LMTK3: variants seen among roughly 807,000 people sequenced by gnomAD.
LMTK3 encodes the protein lemur tail kinase 3.
Under a neutral mutation model 116.7 loss-of-function variants are expected in LMTK3, and 27 were observed. That is an observed-to-expected ratio of 0.23 (90% CI 0.17 to 0.32). The LOEUF (loss-of-function observed/expected upper bound fraction) is 0.32. Among genes scored for constraint, LMTK3 ranks in the 10% least tolerant of loss-of-function variants. The pLI is 1.00. For synonymous variants in LMTK3, 965 were observed against 971.0 expected, an observed-to-expected ratio of 0.99 and a Z score of 0.11; for missense variants, 1,764 against 2,068.5, an observed-to-expected ratio of 0.85 and a Z score of 2.86.
At chr19:48,489,866 C>G (rs996747601) in intron 14 of LMTK3, among the ~76,000 whole-genome samples, 1 of 152,160 alleles carries the variant, frequency 6.6e-6, no homozygotes, top group African/African-American at 2.4e-5. Flanking sequence ...AGCTCTGATA[C>G]CGGGGAGCAC....
chr19:48,498,798 C>T lies in LMTK3; in HGVS notation c.2271G>A (p.Pro757=), dbSNP rs1245923260. The T allele has an allele frequency of 2.5e-4, 24 of 95,000 alleles. No individual in the cohort carries two copies. Among genetic ancestry groups the T allele is most frequent in the Non-Finnish European group, 4.0e-4 (23 of 57,366 alleles). 5.9% of individuals were successfully genotyped at this position (95,000 alleles called of 1,614,324 possible). A position where few individuals can be genotyped will look rare whatever the true frequency, so the allele number is the denominator to read the frequency against. ...RGPPPAPPPP[P]PPPRAPADPA... is the part of the protein sequence containing the mutation. ...GGTCCGCGGGGGCCCGAGGAGGTGG[C>T]GGCGGGGGGGGGGGAGCGGGAGGTG... is the stretch of plus-strand genomic sequence containing the variant. Residue 757 remains proline, a synonymous_variant, in exon 11 of 15, where the codon CCG becomes CCA. Transcript: ENST00000600059.
At chr19:48,488,058 G>C (rs997832372) in intron 14 of LMTK3, among the ~76,000 whole-genome samples, 1 of 152,132 alleles carries the variant, frequency 6.6e-6, no homozygotes, top group Admixed American at 6.5e-5. Flanking sequence ...TCAACTGAGC[G>C]AAAGGATTTG....
chr19:48,497,460 C>T lies in LMTK3; in HGVS notation c.3609G>A (p.Lys1203=), dbSNP rs1217260104. Reference sequence around the variant, plus strand: ...AGAATAGTCGTGGCATCTCGGGGCCCTTCCTCTCGGGCTTGGGGGGGTCCC... The same window carrying T: ...AGAATAGTCGTGGCATCTCGGGGCCTTTCCTCTCGGGCTTGGGGGGGTCCC... ...GDGDPPKPER[K]GPEMPRLFLD... The change falls in exon 11 of 15, where the codon AAG becomes AAA. Residue 1203 remains lysine (K), a synonymous_variant. Coordinates refer to ENST00000600059, the MANE Select transcript of LMTK3 (RefSeq NM_001388485.1). The surrounding 1 kb of genome is among the most constrained non-coding windows in gnomAD (Gnocchi z 5.7). 6.5e-7 allele frequency: 1 copy of T among 1,529,306 alleles called. No individual in the cohort carries two copies. The highest frequency in any genetic ancestry group is 8.8e-7 in the Non-Finnish European group (1 of 1,141,732). The allele number at this position is 1,529,306 out of a possible 1,614,324, so 94.7% of individuals were successfully genotyped here. A position where few individuals can be genotyped will look rare whatever the true frequency, so the allele number is the denominator to read the frequency against.
Position 48,493,802 on chromosome 19 carries a change from C to A in LMTK3, c.3984G>T (p.Gly1328=), listed in dbSNP as rs1336550538. 30 of 1,513,380 alleles carry A rather than the reference C, an allele frequency of 2.0e-5. 1 individual carries two copies. In the Middle Eastern group the frequency reaches 1.2e-3, roughly 61 times the overall value. 93.7% of individuals were successfully genotyped at this position (1,513,380 alleles called of 1,614,324 possible). A position where few individuals can be genotyped will look rare whatever the true frequency, so the allele number is the denominator to read the frequency against. ...ADADAARPLR[G]LLKSPRGADE... is the part of the protein sequence containing the mutation. Reference sequence around the variant, plus strand: ...CGGCCCCGCGCGGAGACTTGAGCAGCCCCCGCAGCGGGCGGGCCGCGTCCG... The same window carrying A: ...CGGCCCCGCGCGGAGACTTGAGCAGACCCCGCAGCGGGCGGGCCGCGTCCG... The change falls in exon 12 of 15, where the codon GGG becomes GGT. Residue 1328 remains glycine (G), a synonymous_variant. Transcript: ENST00000600059.
intron 3 of LMTK3, 64 bp from the exon 4 acceptor site, chr19:48,509,577 C>T: frequency 7.3e-7 from 1 of 1,373,744 alleles, no homozygotes; most frequent in Non-Finnish European, 9.9e-7. Flanking sequence ...ACCAACACAC[C>T]CCAGGTCAGT....
chr19:48,498,784 G>A lies in LMTK3; in HGVS notation c.2285C>T (p.Ala762Val). Reference sequence around the variant, plus strand: ...GGGGGACGCGGCCGGGTCCGCGGGGGCCCGAGGAGGTGGCGGCGGGGGGGG... The same window carrying A: ...GGGGGACGCGGCCGGGTCCGCGGGGACCCGAGGAGGTGGCGGCGGGGGGGG... ...APPPPPPPPR[A>V]PADPAASPDP... Residue 762 changes from alanine (A) to valine (V), a missense_variant, in exon 11 of 15, where the codon GCC (alanine) becomes GTC (valine). Transcript: ENST00000600059. 2 of 897,080 alleles carry A rather than the reference G, an allele frequency of 2.2e-6. No homozygotes were observed. The highest frequency in any genetic ancestry group is 2.2e-5 in the South Asian group (1 of 45,108). 55.6% of individuals were successfully genotyped at this position (897,080 alleles called of 1,614,324 possible). A position where few individuals can be genotyped will look rare whatever the true frequency, so the allele number is the denominator to read the frequency against.
At position 48,499,288 on chromosome 19, in the gene LMTK3, G is replaced by C; in HGVS notation, c.1781C>G (p.Pro594Arg). 3 of 1,414,530 alleles carry C rather than the reference G, an allele frequency of 2.1e-6. No homozygotes were observed. Among genetic ancestry groups the C allele is most frequent in the Non-Finnish European group, 2.8e-6 (3 of 1,083,948 alleles). The allele number at this position is 1,414,530 out of a possible 1,614,324, so 87.6% of individuals were successfully genotyped here. A position where few individuals can be genotyped will look rare whatever the true frequency, so the allele number is the denominator to read the frequency against. Residue 594 changes from proline (P) to arginine (R), a missense_variant, in exon 11 of 15, where the codon CCC becomes CGC. Coordinates refer to ENST00000600059, the MANE Select transcript of LMTK3 (RefSeq NM_001388485.1). The stretch of plus-strand genomic sequence containing the variant: ...TGACGCTGAGGACTGGGCTGGGAAG[G>C]GCCGGGGCGCAGGGAAGAGGGGGGA... ...WASPLFPAPR[P>R]FPAQSSASGS...
rs1292305138 is a variant in LMTK3 at position 48,499,168 on chromosome 19, G to A, written c.1901C>T (p.Thr634Ile). 1 of 1,502,664 alleles carries A rather than the reference G, an allele frequency of 6.7e-7. No homozygotes were observed. Among genetic ancestry groups the A allele is most frequent in the Non-Finnish European group, 8.9e-7 (1 of 1,124,774 alleles). 93.1% of individuals were successfully genotyped at this position (1,502,664 alleles called of 1,614,324 possible). ...DPAEVLGERG[T>I]APWVEEEEEE... Reference sequence around the variant, plus strand: ...CTCTTCTTCTTCCACCCACGGGGCGGTCCCCCGCTCCCCCAAGACCTCGGC... The same window carrying A: ...CTCTTCTTCTTCCACCCACGGGGCGATCCCCCGCTCCCCCAAGACCTCGGC... Residue 634 changes from threonine (T) to isoleucine (I), a missense_variant, in exon 11 of 15, where the codon ACC (threonine) becomes ATC (isoleucine). Transcript: ENST00000600059.
chr19:48,512,737 CACAG>C (rs1186363706), upstream of LMTK3, among the ~76,000 whole-genome samples: 1 of 151,808 alleles, frequency 6.6e-6, no homozygotes, highest in Non-Finnish European at 1.5e-5. Flanking sequence ...CATGGATACA[CACAG>C]ACACACTACA....
rs569330437 is a variant in LMTK3 at position 48,511,410 on chromosome 19, G to A, written c.76+91C>T. The A allele has an allele frequency of 5.5e-5, 28 of 507,880 alleles. 1 individual carries two copies. Among genetic ancestry groups the A allele is most frequent in the African/African-American group, 4.9e-4 (25 of 50,506 alleles). 31.5% of individuals were successfully genotyped at this position (507,880 alleles called of 1,614,324 possible). A position where few individuals can be genotyped will look rare whatever the true frequency, so the allele number is the denominator to read the frequency against. On this transcript the variant is annotated intron_variant, in intron 1 of 14. Coordinates refer to ENST00000600059, the MANE Select transcript of LMTK3 (RefSeq NM_001388485.1). ...GCGGGAAGACGCGCACCAGGTGACG[G>A]GGCAGGACCCGCAGACAGACCCCTG...
At chr19:48,509,653 T>C (rs2147561273) in intron 3 of LMTK3, 140 bp from the exon 4 acceptor site, 1 of 748,940 alleles carries the variant, frequency 1.3e-6, no homozygotes, top group Middle Eastern at 2.4e-4. Flanking sequence ...CATGTCAGAA[T>C]CTCAGCTTCC....
chr19:48,499,211 T>A lies in LMTK3; in HGVS notation c.1858A>T (p.Thr620Ser). 7.1e-7 allele frequency: 1 copy of A among 1,401,970 alleles called. No homozygotes were observed. 86.8% of individuals were successfully genotyped at this position (1,401,970 alleles called of 1,614,324 possible). The change falls in exon 11 of 15, where the codon ACC (threonine) becomes TCC (serine). Residue 620 changes from threonine (T) to serine (S), a missense_variant. This residue lies in a region of LMTK3 where 1,028 missense variants were observed against 1,050.6 expected (regional missense o/e 0.98). Transcript: ENST00000600059. ...ACCTCGGCAGGGTCTCCCGCCAGGGTCTCCCCGGCGCCCCGGCCCTCGGGG... is the reference window on the plus strand; with the variant it reads ...ACCTCGGCAGGGTCTCCCGCCAGGGACTCCCCGGCGCCCCGGCCCTCGGGG... ...WDPEGRGAGE[T>S]LAGDPAEVLG... is the part of the protein sequence containing the mutation.
intron 12 of LMTK3, among the ~76,000 whole-genome samples, chr19:48,492,920 G>A (rs1193092357): frequency 7.3e-6 from 1 of 137,174 alleles, no homozygotes; most frequent in Non-Finnish European, 1.6e-5. Flanking sequence ...CATACTCCTG[G>A]CCCTGCCCCA....
intron 14 of LMTK3, among the ~76,000 whole-genome samples, chr19:48,486,049 T>C (rs1972117229): frequency 6.4e-5 from 1 of 15,742 alleles, no homozygotes; most frequent in Non-Finnish European, 1.4e-4. Context: ...CATTCTTCCT[T>C]TTTTTTTTTT....
At chr19:48,495,299 C>T (rs908271551) in intron 11 of LMTK3, among the ~76,000 whole-genome samples, 1 of 152,104 alleles carries the variant, frequency 6.6e-6, no homozygotes. Flanking sequence ...TGTGAGCCAC[C>T]GCACCCAGCC....
chr19:48,510,124 G>C lies in LMTK3; in HGVS notation c.260C>G (p.Pro87Arg). ...GEDCSGEYTPPAEETSSSQSL... is the reference protein window; with the variant it reads ...GEDCSGEYTPRAEETSSSQSL... ...CTGTGAGGAGGAGGTCTCCTCCGCA[G>C]GGGGAGTGTACTCCCCGGAGCAGTC... Residue 87 changes from proline (P) to arginine (R), a missense_variant, in exon 3 of 15, where the codon CCT (proline) becomes CGT (arginine). Transcript: ENST00000600059. 6.2e-7 allele frequency: 1 copy of C among 1,613,762 alleles called. No individual in the cohort carries two copies. The highest frequency in any genetic ancestry group is 8.5e-7 in the Non-Finnish European group (1 of 1,179,718).
intron 14 of LMTK3, 150 bp from the exon 15 acceptor site, chr19:48,485,939 T>TC: frequency 2.8e-6 from 2 of 724,902 alleles, no homozygotes; most frequent in Middle Eastern, 2.6e-4. Context: ...ACCCCTCTTC[T>TC]CCCCTCTGCT....
Position 48,499,825 on chromosome 19 carries a change from C to A in LMTK3, c.1244G>T (p.Arg415Leu). ...TGGCGGCGGTGGGGGCCGGGGAGGC[C>A]GCTCGGAGAGCAAGTAGGTGAGCTG... The part of the protein sequence containing the change: ...QLQLTYLLSE[R>L]PPRPPPPPPP... The change falls in exon 11 of 15, where the codon CGG becomes CTG. Residue 415 changes from arginine to leucine, a missense_variant. Physicochemically the swap from Arg to Leu is moderately radical, Grantham distance 102. Coordinates refer to ENST00000600059, the MANE Select transcript of LMTK3 (RefSeq NM_001388485.1). The A allele has an allele frequency of 6.4e-7, 1 of 1,567,472 alleles. No individual in the cohort carries two copies. The highest frequency in any genetic ancestry group is 8.6e-7 in the Non-Finnish European group (1 of 1,158,302).
Position 48,491,364 on chromosome 19 carries a change from T to TGGCTCCCGCC in LMTK3, c.4228+30_4228+39dup. On this transcript the variant is annotated intron_variant, in intron 13 of 14. Transcript: ENST00000600059. The surrounding 1 kb of genome is among the most constrained non-coding windows in gnomAD (Gnocchi z 5.1). ...CATAGACCCCGCCCCGTCCGCCCCA[T>TGGCTCCCGCC]GGCTCCCGCCCCCTCCCGCCCCATA... The TGGCTCCCGCC allele has an allele frequency of 2.7e-6, 2 of 737,886 alleles. No homozygotes were observed. Among genetic ancestry groups the TGGCTCCCGCC allele is most frequent in the South Asian group, 2.3e-5 (1 of 42,758 alleles). 45.7% of individuals were successfully genotyped at this position (737,886 alleles called of 1,614,324 possible). A position where few individuals can be genotyped will look rare whatever the true frequency, so the allele number is the denominator to read the frequency against.
Sources: gnomAD v4.1 joint callset for allele counts (sites outside exome capture counted in the v4.1 genomes callset) on GRCh38, gnomAD v4.1.1 for gene constraint, gnomAD v4.1.1 regional missense constraint, Gnocchi (gnomAD v3.1) non-coding constraint, MANE v1.5 for transcripts, NCBI Gene and HGNC (gene_info 2026-07-23, HGNC 2026-07-21) for gene names.